The following ARL15 variants were observed in gnomAD, a reference collection of about 807,000 sequenced individuals.
The protein encoded by ARL15 is ARF like GTPase 15.
In ARL15, 19 loss-of-function variants were observed where a neutral mutation model predicts 25.2. The observed-to-expected ratio is 0.75, with a 90% CI of 0.53 to 1.10. The LOEUF (loss-of-function observed/expected upper bound fraction) is 1.10. ARL15 is among the 50% of genes least tolerant of loss of function. The pLI, the probability that ARL15 is intolerant of heterozygous loss-of-function variation, is 0.00. For missense variants in ARL15, 220 were observed against 246.0 expected (o/e 0.89, Z 0.71); for synonymous variants, 94 against 86.8 (o/e 1.08, Z -0.46).
intron 1 of ARL15, among the ~76,000 whole-genome samples, chr5:54,230,144 G>A (rs1266115610): frequency 6.6e-6 from 1 of 152,018 alleles, no homozygotes; most frequent in Admixed American, 6.5e-5. Flanking sequence ...AAGGTCAGGA[G>A]TTCAAGACCA....
chr5:53,922,168 A>C (rs1486167829), intron 4 of ARL15, among the ~76,000 whole-genome samples: 1 of 152,092 alleles, frequency 6.6e-6, no homozygotes, highest in Non-Finnish European at 1.5e-5. Flanking sequence ...GGTATGCCTT[A>C]GTTTGTGTTT....
chr5:54,029,335 C>CCACCACCAA (rs1749895092), intron 4 of ARL15, among the ~76,000 whole-genome samples: 2 of 93,842 alleles, frequency 2.1e-5, no homozygotes, highest in Non-Finnish European at 4.0e-5. Context: ...ACCACCACTA[C>CCACCACCAA]CACCACCACC....
At chr5:54,229,648 T>C (rs1756615319) in intron 1 of ARL15, among the ~76,000 whole-genome samples, 1 of 152,212 alleles carries the variant, frequency 6.6e-6, no homozygotes, top group South Asian at 2.1e-4. Flanking sequence ...TGTGCACCTG[T>C]TGTTGTCCTA....
intron 1 of ARL15, among the ~76,000 whole-genome samples, chr5:54,276,800 G>A (rs910078841): frequency 8.5e-5 from 13 of 152,200 alleles, no homozygotes; most frequent in African/African-American, 2.7e-4. Context: ...GATAATGGAA[G>A]CAAAAGCTAG....
intron 4 of ARL15, among the ~76,000 whole-genome samples, chr5:53,899,327 AAC>A (rs1744979577): frequency 7.4e-6 from 1 of 134,636 alleles, no homozygotes; most frequent in African/African-American, 2.8e-5. Context: ...CAGCCTGGGT[AAC>A]AGAGTGAGAC....
At chr5:54,047,350 A>T (rs537883052) in intron 4 of ARL15, among the ~76,000 whole-genome samples, 2 of 152,126 alleles carry the variant, frequency 1.3e-5, no homozygotes, top group Non-Finnish European at 2.9e-5. Flanking sequence ...ACTAATCAAT[A>T]GCTTGGTCAT....
At chr5:53,953,592 A>G (rs999648476) in intron 4 of ARL15, among the ~76,000 whole-genome samples, 8 of 152,148 alleles carry the variant, frequency 5.3e-5, no homozygotes, top group Non-Finnish European at 7.3e-5. Context: ...ATGGGTGTGA[A>G]GCAGGAAGAC....
At chr5:53,980,847 G>T (rs1295288780) in intron 4 of ARL15, among the ~76,000 whole-genome samples, 1 of 152,140 alleles carries the variant, frequency 6.6e-6, no homozygotes, top group Non-Finnish European at 1.5e-5. Context: ...GAGGCATGGT[G>T]GTTCATTCTT....
At chr5:54,184,975 AC>A (rs1755195199) in intron 1 of ARL15, among the ~76,000 whole-genome samples, 1 of 152,060 alleles carries the variant, frequency 6.6e-6, no homozygotes, top group African/African-American at 2.4e-5. Context: ...ATAGCTACCC[AC>A]AGCTGTCAGG....
At chr5:54,133,177 A>G (rs1327325622) in intron 3 of ARL15, among the ~76,000 whole-genome samples, 1 of 152,214 alleles carries the variant, frequency 6.6e-6, no homozygotes, top group Non-Finnish European at 1.5e-5. Flanking sequence ...GATAAATACT[A>G]AGTGCCAGAT....
intron 4 of ARL15, among the ~76,000 whole-genome samples, chr5:53,919,390 C>G (rs1271151807): frequency 6.6e-6 from 1 of 152,138 alleles, no homozygotes; most frequent in Non-Finnish European, 1.5e-5. Context: ...ACTAGCTACC[C>G]CTTGTAAAAT....
intron 1 of ARL15, among the ~76,000 whole-genome samples, chr5:54,250,514 G>C (rs1489549382): frequency 6.6e-6 from 1 of 152,210 alleles, no homozygotes; most frequent in African/African-American, 2.4e-5. Flanking sequence ...ATACCTGATT[G>C]TGCAGTCTCT....
chr5:54,201,358 T>C (rs1445566432), intron 1 of ARL15, among the ~76,000 whole-genome samples: 4 of 152,162 alleles, frequency 2.6e-5, no homozygotes, highest in Non-Finnish European at 5.9e-5. Context: ...GTCTGAGATA[T>C]GAATAAGATT....
intron 1 of ARL15, among the ~76,000 whole-genome samples, chr5:54,212,679 T>C (rs1435103374): frequency 6.6e-6 from 1 of 152,234 alleles, no homozygotes; most frequent in Admixed American, 6.5e-5. Flanking sequence ...TTCTGTTTTC[T>C]CTATTGGCAT....
chr5:54,023,720 G>A (rs1749689382), intron 4 of ARL15, among the ~76,000 whole-genome samples: 1 of 152,148 alleles, frequency 6.6e-6, no homozygotes, highest in Non-Finnish European at 1.5e-5. Context: ...GTTATTCTCT[G>A]AAGTTCCCTT....
chr5:54,070,383 C>A (rs1399183029), intron 4 of ARL15, among the ~76,000 whole-genome samples: 1 of 151,430 alleles, frequency 6.6e-6, no homozygotes, highest in Non-Finnish European at 1.5e-5. Flanking sequence ...CAGAGCGAGA[C>A]TCCGTCTCAA....
intron 4 of ARL15, among the ~76,000 whole-genome samples, chr5:54,005,810 C>T (rs1255752653): frequency 6.7e-6 from 1 of 150,260 alleles, no homozygotes; most frequent in Non-Finnish European, 1.5e-5. Context: ...TGCAGTGAGC[C>T]GAGATTGCAC....
At chr5:54,116,652 T>C (rs1752908878) in intron 3 of ARL15, among the ~76,000 whole-genome samples, 1 of 152,212 alleles carries the variant, frequency 6.6e-6, no homozygotes, top group African/African-American at 2.4e-5. Flanking sequence ...GACAAACTAG[T>C]GTAGTTCTGA....
At chr5:54,036,456 C>T (rs1206345516) in intron 4 of ARL15, among the ~76,000 whole-genome samples, 4 of 152,114 alleles carry the variant, frequency 2.6e-5, no homozygotes, top group Non-Finnish European at 5.9e-5. Flanking sequence ...TATTCCAATA[C>T]TGACTGAAGG....
Sources: gnomAD v4.1 joint callset for allele counts (sites outside exome capture counted in the v4.1 genomes callset) on GRCh38, gnomAD v4.1.1 for gene constraint, MANE v1.5 for transcripts, NCBI Gene and HGNC (gene_info 2026-07-23, HGNC 2026-07-21) for gene names.